Variants in KLHL4 observed in about 807,000 individuals in gnomAD.
The protein encoded by KLHL4 is kelch like family member 4.
A neutral mutation model predicts 45.8 loss-of-function variants in KLHL4; 17 were observed. That is an observed-to-expected ratio of 0.37 (90% CI 0.25 to 0.56). KLHL4 has a LOEUF of 0.56. Among genes scored for constraint, KLHL4 ranks in the 20% least tolerant of loss-of-function variants. The pLI, the probability that KLHL4 is intolerant of heterozygous loss-of-function variation, is 0.79. For missense variants in KLHL4, 544 were observed against 544.9 expected, an observed-to-expected ratio of 1.00 and a Z score of 0.02; for synonymous variants, 224 against 189.9, an observed-to-expected ratio of 1.18 and a Z score of -1.47.
intron 1 of KLHL4, among the ~76,000 whole-genome samples, chrX:87,596,541 A>C (rs1921844819): frequency 8.9e-6 from 1 of 112,022 alleles, no homozygotes; most frequent in African/African-American, 3.2e-5. Context: ...CTCAGTTAGC[A>C]AAAGACTGGA....
intron 9 of KLHL4, among the ~76,000 whole-genome samples, chrX:87,653,625 C>T (rs1602466765): frequency 9.0e-6 from 1 of 111,731 alleles, no homozygotes; most frequent in East Asian, 2.8e-4. Context: ...AATCTCATTA[C>T]TGGGTATATA....
At chrX:87,665,059 A>G (rs1459816753) in intron 10 of KLHL4, 124 bp downstream of exon 10, 2 of 444,209 alleles carry the variant, frequency 4.5e-6, no homozygotes, top group Admixed American at 8.6e-5. Context: ...AGTGAAATTT[A>G]TAGTATGTGC....
At chrX:87,583,266 C>T (rs769548059) in intron 1 of KLHL4, among the ~76,000 whole-genome samples, 3 of 111,938 alleles carry the variant, frequency 2.7e-5, no homozygotes, top group Non-Finnish European at 3.8e-5. Flanking sequence ...TCCAAGTCCC[C>T]ACTCGACACA....
At chrX:87,611,154 AATCTGAAAAT>A (rs1232670936) in intron 1 of KLHL4, among the ~76,000 whole-genome samples, 1 of 112,233 alleles carries the variant, frequency 8.9e-6, no homozygotes, top group Admixed American at 9.5e-5. Context: ...ACTGTTAATG[AATCTGAAAAT>A]ATCACAAATG....
intron 1 of KLHL4, among the ~76,000 whole-genome samples, chrX:87,518,649 T>C (rs757190491): frequency 1.8e-5 from 2 of 111,980 alleles, no homozygotes; most frequent in Admixed American, 1.9e-4. Context: ...TGCAATTCTT[T>C]GTGCAAGTGT....
Position 87,645,876 on chromosome X carries a change from A to G in KLHL4, c.1925+10101A>G, listed in dbSNP as rs5924075. On this transcript the variant is annotated intron_variant, in intron 9 of 10. Coordinates refer to ENST00000373119, the MANE Select transcript of KLHL4 (RefSeq NM_019117.5). ...GAGGACACAAAGGCACAAGAATGAT[A>G]CAATGGACTTTGGGGACTGGGCAAG... is the stretch of plus-strand genomic sequence containing the variant. 1.2e-4 allele frequency among the ~76,000 whole-genome samples: 13 copies of G among 111,106 alleles called. No homozygotes were observed. In the East Asian group the frequency reaches 3.7e-3, roughly 32 times the overall value.
At chrX:87,529,909 G>A (rs1323484856) in intron 1 of KLHL4, among the ~76,000 whole-genome samples, 1 of 111,812 alleles carries the variant, frequency 8.9e-6, no homozygotes, top group Non-Finnish European at 1.9e-5. Flanking sequence ...GGCACTTAAT[G>A]TTCCATGTTA....
chrX:87,662,583 T>C (rs2147843393), intron 9 of KLHL4, among the ~76,000 whole-genome samples: 1 of 111,607 alleles, frequency 9.0e-6, no homozygotes, highest in South Asian at 3.7e-4. Flanking sequence ...CTCAGCTTTT[T>C]ACAACTTAAC....
intron 9 of KLHL4, among the ~76,000 whole-genome samples, chrX:87,636,148 A>C (rs2147826385): frequency 8.9e-6 from 1 of 112,561 alleles, no homozygotes; most frequent in Non-Finnish European, 1.9e-5. Context: ...TCTTAGACTA[A>C]AAATATATTT....
chrX:87,609,877 A>T lies in KLHL4; in HGVS notation c.423-4000A>T, dbSNP rs774483069. 3.0e-4 allele frequency among the ~76,000 whole-genome samples: 33 copies of T among 111,563 alleles called. No homozygotes were observed. The Middle Eastern group carries it at 0.014, about 47-fold the overall frequency. On this transcript the variant is annotated intron_variant, in intron 1 of 10. Coordinates refer to ENST00000373119, the MANE Select transcript of KLHL4 (RefSeq NM_019117.5). ...AAACAACCAGCTCCCACATAAACTA[A>T]AAGAGTGAGAACTCACACATTACTC...
At chrX:87,645,504 G>A (rs1349619116) in intron 9 of KLHL4, among the ~76,000 whole-genome samples, 1 of 111,421 alleles carries the variant, frequency 9.0e-6, no homozygotes, top group Non-Finnish European at 1.9e-5. Flanking sequence ...ATTCCTTAAA[G>A]AACTAAAAGT....
At chrX:87,578,504 T>C (rs1921165551) in intron 1 of KLHL4, among the ~76,000 whole-genome samples, 1 of 112,092 alleles carries the variant, frequency 8.9e-6, no homozygotes, top group South Asian at 3.7e-4. Flanking sequence ...AACAATGATA[T>C]GTGGACCAAA....
intron 1 of KLHL4, among the ~76,000 whole-genome samples, chrX:87,576,970 A>G (rs755358260): frequency 8.9e-6 from 1 of 112,176 alleles, no homozygotes; most frequent in Admixed American, 9.5e-5. Flanking sequence ...CATGAGAAAG[A>G]ATAATAGCTG....
chrX:87,538,818 A>G (rs1036547241), intron 1 of KLHL4, among the ~76,000 whole-genome samples: 10 of 111,573 alleles, frequency 9.0e-5, no homozygotes, highest in South Asian at 3.7e-4. Flanking sequence ...AAACTTGGAA[A>G]TTTAGAGAAA....
chrX:87,557,248 T>A (rs1931998498), intron 1 of KLHL4, among the ~76,000 whole-genome samples: 1 of 111,939 alleles, frequency 8.9e-6, no homozygotes, highest in African/African-American at 3.2e-5. Flanking sequence ...CTTTTATAAC[T>A]GAGATTGTGT....
chrX:87,607,266 A>C (rs769325923), intron 1 of KLHL4, among the ~76,000 whole-genome samples: 1 of 111,014 alleles, frequency 9.0e-6, no homozygotes, highest in Non-Finnish European at 1.9e-5. Context: ...CGCAACTCTC[A>C]AATCTTGTGG....
chrX:87,614,575 G>A lies in KLHL4; in HGVS notation c.727+5G>A. The A allele has an allele frequency of 4.2e-6, 5 of 1,200,931 alleles. No individual in the cohort carries two copies. The South Asian group carries it at 5.3e-5, about 13-fold the overall frequency. On this transcript the variant is annotated splice_donor_5th_base_variant and intron_variant, in intron 3 of 10. Coordinates refer to ENST00000373119, the MANE Select transcript of KLHL4 (RefSeq NM_019117.5). ...TGGTGCAGTATGCTTACACAGGTAA[G>A]TGCCAAATACACATTAACTCATAAT...
In KLHL4 at chrX:87,666,936, T is replaced by C. The variant is rs1924389840; in HGVS notation, c.*402T>C. On this transcript the variant is annotated 3_prime_UTR_variant, in exon 11 of 11. Coordinates refer to ENST00000373119, the MANE Select transcript of KLHL4 (RefSeq NM_019117.5). ...AGTTTTTTTTTAAAAAACGTACTCT[T>C]ATTATCTGGAACATAGAAATATAAA... 5.8e-6 allele frequency: 4 copies of C among 695,564 alleles called. No homozygotes were observed. Among genetic ancestry groups the C allele is most frequent in the Non-Finnish European group, 6.8e-6 (4 of 585,577 alleles). 57.3% of individuals were successfully genotyped at this position (695,564 alleles called of 1,213,427 possible).
At chrX:87,625,515 G>A (rs989784466) in intron 5 of KLHL4, 95 bp from the exon 6 acceptor site, 50 of 743,511 alleles carry the variant, frequency 6.7e-5, no homozygotes, top group Non-Finnish European at 9.3e-5. Context: ...ACAGGTGTAC[G>A]CCACTGCGCC....
Sources: allele counts gnomAD v4.1 joint callset (sites outside exome capture counted in the v4.1 genomes callset), GRCh38; gene constraint gnomAD v4.1.1; transcripts MANE v1.5; gene names NCBI Gene and HGNC (gene_info 2026-07-23, HGNC 2026-07-21).